The following COL16A1 variants were observed in gnomAD, a reference collection of about 807,000 sequenced individuals.
COL16A1 encodes the protein collagen type XVI alpha 1 chain.
COL16A1 carries 189 observed loss-of-function variants against 266.3 expected under a neutral mutation model. The ratio of observed to expected loss-of-function variants is 0.71; its 90% CI spans 0.63 to 0.80. COL16A1 has a LOEUF of 0.80. COL16A1 is among the 30% of genes least tolerant of loss of function. The pLI is 0.00. For missense variants in COL16A1, 1,928 were observed against 2,122.4 expected, an observed-to-expected ratio of 0.91 and a Z score of 1.80; for synonymous variants, 740 against 782.3, an observed-to-expected ratio of 0.95 and a Z score of 0.90.
In COL16A1 at chr1:31,663,009, C is replaced by T. The variant is rs1641827494; in HGVS notation, c.3556-351G>A. The T allele has an allele frequency of 2.8e-6, 1 of 352,872 alleles. No homozygotes were observed. The highest frequency in any genetic ancestry group is 5.4e-5 in the East Asian group (1 of 18,472). 21.9% of individuals were successfully genotyped at this position (352,872 alleles called of 1,614,324 possible). On this transcript the variant is annotated intron_variant, in intron 56 of 70. Coordinates refer to ENST00000373672, the MANE Select transcript of COL16A1 (RefSeq NM_001856.4). The surrounding 1 kb of genome is among the most constrained non-coding windows in gnomAD (Gnocchi z 4.9). ...TGTGAAAGCTGCCTGTTGTATTCTA[C>T]TCCATCAGACCCCCTGCCTCCTCCC...
At chr1:31,661,265 C>T (rs2148666809) in intron 60 of COL16A1, 146 bp from the exon 61 acceptor site, 1 of 1,497,716 alleles carries the variant, frequency 6.7e-7, no homozygotes, top group African/African-American at 1.4e-5. Flanking sequence ...GACAGAGAAG[C>T]CCTGACCCAG....
Position 31,685,567 on chromosome 1 carries a change from C to A in COL16A1, c.2016+72G>T. The stretch of plus-strand genomic sequence containing the variant: ...TGCCCAGGGAGTCAAGAGACCCAGG[C>A]AGGACCCCTCCCCTCTCCTTAGCCC... On this transcript the variant is annotated intron_variant, in intron 29 of 70. Coordinates refer to ENST00000373672, the MANE Select transcript of COL16A1 (RefSeq NM_001856.4). The surrounding 1 kb of genome is among the most constrained non-coding windows in gnomAD (Gnocchi z 4.0). 1 of 1,542,454 alleles carries A rather than the reference C, an allele frequency of 6.5e-7. No individual in the cohort carries two copies. The highest frequency in any genetic ancestry group is 8.8e-7 in the Non-Finnish European group (1 of 1,134,918).
At chr1:31,692,860 T>C (rs1644335611) in intron 13 of COL16A1, 52 bp from the exon 14 acceptor site, 3 of 1,548,776 alleles carry the variant, frequency 1.9e-6, no homozygotes, top group South Asian at 2.2e-5. Flanking sequence ...GGAAGTCCCC[T>C]AGATGTGTTG....
chr1:31,689,820 G>T lies in COL16A1; in HGVS notation c.1541C>A (p.Pro514His), dbSNP rs1490098302. The change falls in exon 23 of 71, where the codon CCT becomes CAT. Residue 514 changes from proline (P) to histidine (H), a missense_variant. Pro to His is a moderately conservative substitution (Grantham distance 77). Coordinates refer to ENST00000373672, the MANE Select transcript of COL16A1 (RefSeq NM_001856.4). The stretch of plus-strand genomic sequence containing the variant: ...TCCAACAAAGTTCTGGAACCCTTCA[G>T]GCAGTGTTGGGCACACTTCACAGGG... ...GDPCEVCPTLPEGFQNFVGLP... is the reference protein window; with the variant it reads ...GDPCEVCPTLHEGFQNFVGLP... 6.2e-7 allele frequency: 1 copy of T among 1,614,092 alleles called. No homozygotes were observed. The highest frequency in any genetic ancestry group is 8.5e-7 in the Non-Finnish European group (1 of 1,180,006).
intron 4 of COL16A1, 86 bp downstream of exon 4, chr1:31,699,727 C>A (rs1427044086): frequency 5.6e-6 from 5 of 889,540 alleles, no homozygotes; most frequent in Non-Finnish European, 9.1e-6. Flanking sequence ...CAGACAGGCC[C>A]CTGGGCTTAA....
intron 36 of COL16A1, 63 bp from the exon 37 acceptor site, chr1:31,683,065 G>A: frequency 6.2e-7 from 1 of 1,611,726 alleles, no homozygotes. Flanking sequence ...AACCCAGCAG[G>A]TAAGACACAT....
intron 2 of COL16A1, among the ~76,000 whole-genome samples, chr1:31,701,766 C>G (rs1344201795): frequency 6.6e-6 from 1 of 152,126 alleles, no homozygotes; most frequent in Non-Finnish European, 1.5e-5. Context: ...CTCCCCACCC[C>G]ACTGGTCCTA....
At chr1:31,687,868 A>G (rs1473627688) in intron 26 of COL16A1, among the ~76,000 whole-genome samples, 1 of 152,210 alleles carries the variant, frequency 6.6e-6, no homozygotes, top group African/African-American at 2.4e-5. Flanking sequence ...TTTGGGTAAC[A>G]TTTGGGTAAC....
Position 31,697,172 on chromosome 1 carries a change from T to A in COL16A1, c.738+48A>T. 6.2e-7 allele frequency: 1 copy of A among 1,612,508 alleles called. No homozygotes were observed. Among genetic ancestry groups the A allele is most frequent in the Non-Finnish European group, 8.5e-7 (1 of 1,179,048 alleles). On this transcript the variant is annotated intron_variant, in intron 7 of 70. Coordinates refer to ENST00000373672, the MANE Select transcript of COL16A1 (RefSeq NM_001856.4). The surrounding 1 kb of genome is among the most constrained non-coding windows in gnomAD (Gnocchi z 4.2). The stretch of plus-strand genomic sequence containing the variant: ...CCAGGCATCACCTTCCAGACCCTCA[T>A]CTCCAGCACAGTGTGTCCCTGGGCA...
chr1:31,655,522 G>T lies in COL16A1; in HGVS notation c.4102-20C>A. On this transcript the variant is annotated intron_variant, in intron 66 of 70. Coordinates refer to ENST00000373672, the MANE Select transcript of COL16A1 (RefSeq NM_001856.4). ...ATCACCCTACAAAGATAGATACTTA[G>T]TGCTGTCAAATTTACATCATGATGT... 6.2e-7 allele frequency: 1 copy of T among 1,611,734 alleles called. No individual in the cohort carries two copies. Among genetic ancestry groups the T allele is most frequent in the Non-Finnish European group, 8.5e-7 (1 of 1,178,596 alleles).
chr1:31,700,313 AAG>A (rs1230083602), intron 2 of COL16A1, among the ~76,000 whole-genome samples, 198 bp from the exon 3 acceptor site: 1 of 152,186 alleles, frequency 6.6e-6, no homozygotes, highest in Admixed American at 6.5e-5. Context: ...TACAGTTTGG[AAG>A]ACTGAGGTCC....
intron 49 of COL16A1, among the ~76,000 whole-genome samples, chr1:31,669,104 T>A (rs559913737): frequency 1.3e-5 from 2 of 152,044 alleles, no homozygotes; most frequent in Non-Finnish European, 2.9e-5. Context: ...TATAGAGATA[T>A]GCCCTCCAGC....
At chr1:31,695,854 C>A (rs546303882) in intron 9 of COL16A1, 67 bp from the exon 10 acceptor site, 23 of 1,442,386 alleles carry the variant, frequency 1.6e-5, no homozygotes, top group Non-Finnish European at 2.2e-5. Flanking sequence ...GTTTCCAACA[C>A]CCCTACCCCC....
At chr1:31,689,928 C>A in intron 22 of COL16A1, 77 bp from the exon 23 acceptor site, 1 of 1,287,088 alleles carries the variant, frequency 7.8e-7, no homozygotes. Context: ...CTTGCGCAGA[C>A]CAGCCCTAGA....
Position 31,688,412 on chromosome 1 carries a change from CCCTG to C in COL16A1, c.1803+51_1803+54del, listed in dbSNP as rs747658223. On this transcript the variant is annotated intron_variant, in intron 26 of 70. Transcript: ENST00000373672. The surrounding 1 kb of genome is among the most constrained non-coding windows in gnomAD (Gnocchi z 4.9). ...TTATTCCCCGCCCGCACCACTCCTC[CCCTG>C]CCTGCCTGCCAAGAAACTCCAGTGT... The C allele has an allele frequency of 6.5e-4, 1,049 of 1,602,992 alleles. No individual in the cohort carries two copies. The highest frequency in any genetic ancestry group is 8.5e-4 in the Non-Finnish European group (989 of 1,170,016).
Position 31,668,681 on chromosome 1 carries a change from G to A in COL16A1, c.3249+121C>T, listed in dbSNP as rs1399035638. On this transcript the variant is annotated intron_variant, in intron 50 of 70. Transcript: ENST00000373672. This position sits in a 1 kb window ranked among gnomAD's most constrained non-coding sequence, Gnocchi z 5.8. ...GAGGGAATCCCGGCAGAAGGGCAGAGAGTCTCAAGGAGTCCACCTCCCAGC... is the reference window on the plus strand; with the variant it reads ...GAGGGAATCCCGGCAGAAGGGCAGAAAGTCTCAAGGAGTCCACCTCCCAGC... 2 of 1,045,954 alleles carry A rather than the reference G, an allele frequency of 1.9e-6. No homozygotes were observed. 64.8% of individuals were successfully genotyped at this position (1,045,954 alleles called of 1,614,324 possible).
At position 31,688,877 on chromosome 1, in the gene COL16A1, C is replaced by T. The variant is rs756189808; in HGVS notation, c.1751G>A (p.Gly584Asp). The change falls in exon 25 of 71, where the codon GGT (glycine) becomes GAT (aspartate). Residue 584 changes from glycine to aspartate, a missense_variant. Transcript: ENST00000373672. This position sits in a 1 kb window ranked among gnomAD's most constrained non-coding sequence, Gnocchi z 4.9. ...GTCACTCACCGGAAGGCCAGGCAGACCAAAGCCAGGGGAACCCACATCTCC... is the reference window on the plus strand; with the variant it reads ...GTCACTCACCGGAAGGCCAGGCAGATCAAAGCCAGGGGAACCCACATCTCC... ...ASGDVGSPGF[G>D]LPGLPGRAGV... 49 of 1,613,828 alleles carry T rather than the reference C, an allele frequency of 3.0e-5. No individual in the cohort carries two copies. Among genetic ancestry groups the T allele is most frequent in the Non-Finnish European group, 3.9e-5 (46 of 1,179,910 alleles).
In COL16A1 at chr1:31,684,203, A is replaced by G. The variant is rs1353446279; in HGVS notation, c.2189T>C (p.Leu730Pro). ...TGCCATGTCTGTCACTGTCCCCTGC[A>G]GGCTGGGGCAGGCAGTGCAGCCATC... ...KGDGCTACPS[L>P]QGTVTDMAGR... Residue 730 changes from leucine (L) to proline (P), a missense_variant, in exon 32 of 71, where the codon CTG becomes CCG. Leu to Pro is a moderately conservative substitution (Grantham distance 98). Coordinates refer to ENST00000373672, the MANE Select transcript of COL16A1 (RefSeq NM_001856.4). 9 of 1,518,412 alleles carry G rather than the reference A, an allele frequency of 5.9e-6. No homozygotes were observed. Among genetic ancestry groups the G allele is most frequent in the South Asian group, 1.3e-5 (1 of 78,430 alleles). The allele number at this position is 1,518,412 out of a possible 1,614,324, so 94.1% of individuals were successfully genotyped here.
At position 31,661,647 on chromosome 1, in the gene COL16A1, C is replaced by T. The variant is rs771048618; in HGVS notation, c.3726+13G>A. ...CTTCGCAGCTTCCAACTCCTTCCTGCAGCTCAACTTACCGGTGGTCCCATG... is the reference window on the plus strand; with the variant it reads ...CTTCGCAGCTTCCAACTCCTTCCTGTAGCTCAACTTACCGGTGGTCCCATG... On this transcript the variant is annotated intron_variant, in intron 59 of 70. Transcript: ENST00000373672. 4 of 1,613,676 alleles carry T rather than the reference C, an allele frequency of 2.5e-6. No individual in the cohort carries two copies. Among genetic ancestry groups the T allele is most frequent in the East Asian group, 4.5e-5 (2 of 44,896 alleles).
Sources: gnomAD v4.1 joint callset for allele counts (sites outside exome capture counted in the v4.1 genomes callset) on GRCh38, gnomAD v4.1.1 for gene constraint, Gnocchi (gnomAD v3.1) non-coding constraint, MANE v1.5 for transcripts, NCBI Gene and HGNC (gene_info 2026-07-23, HGNC 2026-07-21) for gene names.